Variants in STPG2 observed in about 807,000 individuals in gnomAD.
STPG2 encodes sperm tail PG-rich repeat containing 2, also known as sperm-tail PG-rich repeat-containing protein 2.
In STPG2, 56 loss-of-function variants were observed where a neutral mutation model predicts 54.2. The ratio of observed to expected loss-of-function variants is 1.03; its 90% CI spans 0.83 to 1.29. STPG2 has a LOEUF of 1.29. STPG2 is among the 50% of genes most tolerant of loss of function. The pLI, the probability that STPG2 is intolerant of heterozygous loss-of-function variation, is 0.00. For missense variants in STPG2, 596 were observed against 544.9 expected (o/e 1.09, Z -0.93); for synonymous variants, 200 against 181.8 (o/e 1.10, Z -0.81).
chr4:97,696,910 A>G (rs1412222731), intron 10 of STPG2, among the ~76,000 whole-genome samples: 6 of 152,234 alleles, frequency 3.9e-5, no homozygotes, highest in African/African-American at 1.4e-4. Flanking sequence ...CCACCCTCAA[A>G]AAACTATTTG....
chr4:97,814,789 C>T (rs189655951), intron 9 of STPG2, among the ~76,000 whole-genome samples: 37 of 152,252 alleles, frequency 2.4e-4, no homozygotes, highest in African/African-American at 8.4e-4. Flanking sequence ...ACATCTTTCT[C>T]CTGTGCTGGA....
chr4:98,080,237 T>C (rs1738301351), intron 5 of STPG2, among the ~76,000 whole-genome samples: 1 of 152,152 alleles, frequency 6.6e-6, no homozygotes. Flanking sequence ...GTTTATAAAC[T>C]ATATTGTTAT....
intron 4 of STPG2, among the ~76,000 whole-genome samples, chr4:97,505,474 G>A (rs1310842410): frequency 6.6e-6 from 1 of 151,954 alleles, no homozygotes; most frequent in Non-Finnish European, 1.5e-5. Flanking sequence ...AAAAAGGAAA[G>A]AGGGACTCAG....
intron 8 of STPG2, among the ~76,000 whole-genome samples, chr4:97,923,193 G>T (rs1484099523): frequency 1.3e-5 from 2 of 152,264 alleles, no homozygotes; most frequent in African/African-American, 4.8e-5. Context: ...CACTGTGGGA[G>T]CCCCTTTCTG....
At chr4:97,643,396 A>G (rs539143287) in intron 10 of STPG2, among the ~76,000 whole-genome samples, 1 of 151,856 alleles carries the variant, frequency 6.6e-6, no homozygotes, top group African/African-American at 2.4e-5. Context: ...TTTTAGTCAT[A>G]TAGCAGTTTC....
At chr4:97,644,364 GTC>G (rs1184788103) in intron 10 of STPG2, among the ~76,000 whole-genome samples, 2 of 151,916 alleles carry the variant, frequency 1.3e-5, no homozygotes, top group African/African-American at 2.4e-5. Flanking sequence ...TAAGTCTTCT[GTC>G]TCTCCCATGT....
At chr4:97,617,878 T>A (rs1207059185) in intron 10 of STPG2, among the ~76,000 whole-genome samples, 2 of 152,302 alleles carry the variant, frequency 1.3e-5, no homozygotes, top group South Asian at 4.1e-4. Context: ...TATGATGATA[T>A]ACATCATAGT....
At chr4:98,014,150 A>G (rs969064329) in intron 5 of STPG2, among the ~76,000 whole-genome samples, 4 of 152,128 alleles carry the variant, frequency 2.6e-5, no homozygotes, top group Non-Finnish European at 5.9e-5. Context: ...GCTGTGTCCC[A>G]GAGATTCTGG....
chr4:97,860,039 G>C (rs1245431179), intron 8 of STPG2, among the ~76,000 whole-genome samples: 2 of 152,146 alleles, frequency 1.3e-5, no homozygotes, highest in Non-Finnish European at 2.9e-5. Flanking sequence ...TTGCCTGAAA[G>C]AATTTGGCTT....
At chr4:98,091,345 G>A (rs544716527) in intron 5 of STPG2, among the ~76,000 whole-genome samples, 1 of 152,062 alleles carries the variant, frequency 6.6e-6, no homozygotes, top group Non-Finnish European at 1.5e-5. Flanking sequence ...TGCTTAAAAT[G>A]TTTACCGGCC....
chr4:97,493,707 G>A (rs1730551132), intron 4 of STPG2, among the ~76,000 whole-genome samples: 1 of 151,416 alleles, frequency 6.6e-6, no homozygotes, highest in Admixed American at 6.6e-5. Flanking sequence ...CCATGAAAAA[G>A]TACATAAGAA....
At chr4:97,821,238 G>A (rs1299544122) in intron 9 of STPG2, among the ~76,000 whole-genome samples, 1 of 152,152 alleles carries the variant, frequency 6.6e-6, no homozygotes, top group Non-Finnish European at 1.5e-5. Flanking sequence ...CAAGTCTGAA[G>A]CCCAGCAGGA....
chr4:98,088,562 T>C (rs1438981380), intron 5 of STPG2, among the ~76,000 whole-genome samples: 1 of 151,634 alleles, frequency 6.6e-6, no homozygotes, highest in East Asian at 1.9e-4. Flanking sequence ...TTAAGTTATT[T>C]AAAATCATAA....
chr4:97,874,060 T>C (rs1448038036), intron 8 of STPG2, among the ~76,000 whole-genome samples: 1 of 151,568 alleles, frequency 6.6e-6, no homozygotes, highest in African/African-American at 2.4e-5. Flanking sequence ...AACATTAATA[T>C]AGCCTCTTTT....
chr4:97,591,826 T>C (rs1733153524), intron 10 of STPG2, among the ~76,000 whole-genome samples: 1 of 152,164 alleles, frequency 6.6e-6, no homozygotes, highest in South Asian at 2.1e-4. Context: ...TCAGAGGAGG[T>C]ACATTAAGAT....
intron 10 of STPG2, among the ~76,000 whole-genome samples, chr4:97,637,594 C>G (rs1386639887): frequency 3.9e-5 from 6 of 152,136 alleles, no homozygotes; most frequent in African/African-American, 1.2e-4. Context: ...CTAGAAAACT[C>G]CATCGTCTCA....
chr4:97,786,871 C>G (rs1218509360), intron 9 of STPG2, among the ~76,000 whole-genome samples: 2 of 152,030 alleles, frequency 1.3e-5, no homozygotes, highest in Non-Finnish European at 2.9e-5. Context: ...TTATTATTAA[C>G]TATTGTTGTT....
intron 7 of STPG2, among the ~76,000 whole-genome samples, chr4:97,964,888 A>T (rs1182316698): frequency 9.2e-5 from 14 of 152,184 alleles, no homozygotes; most frequent in Non-Finnish European, 2.1e-4. Context: ...ATGGCCGAAT[A>T]GGAACAGCTC....
intron 5 of STPG2, among the ~76,000 whole-genome samples, chr4:98,084,739 T>C (rs1305100619): frequency 2.0e-5 from 3 of 152,220 alleles, no homozygotes; most frequent in African/African-American, 4.8e-5. Context: ...GTTGTGCTTA[T>C]TTGCCATTCT....
Sources: allele counts gnomAD v4.1 joint callset (sites outside exome capture counted in the v4.1 genomes callset), GRCh38; gene constraint gnomAD v4.1.1; transcripts MANE v1.5; gene names NCBI Gene and HGNC (gene_info 2026-07-23, HGNC 2026-07-21).